CREG1: variants seen among roughly 807,000 people sequenced by gnomAD.
CREG1 encodes the protein protein CREG1.
In CREG1, 20 loss-of-function variants were observed where a neutral mutation model predicts 19.9. The ratio of observed to expected loss-of-function variants is 1.01; its 90% CI spans 0.71 to 1.46. The LOEUF is 1.46. Among genes scored for constraint, CREG1 ranks in the 40% most tolerant of loss-of-function variants. The pLI is 0.00. For synonymous variants in CREG1, 141 were observed against 143.3 expected, an observed-to-expected ratio of 0.98 and a Z score of 0.12; for missense variants, 290 against 314.9, an observed-to-expected ratio of 0.92 and a Z score of 0.60.
rs572242271 is a variant in CREG1, at chr1:167,553,302, C to G, written c.354+86G>C. 15 of 1,088,878 alleles carry G rather than the reference C, an allele frequency of 1.4e-5. No homozygotes were observed. The South Asian group carries it at 3.5e-4, about 25-fold the overall frequency. The allele number at this position is 1,088,878 out of a possible 1,614,324, so 67.5% of individuals were successfully genotyped here. A position where few individuals can be genotyped will look rare whatever the true frequency, so the allele number is the denominator to read the frequency against. ...GCCGTTCGAGCCACGCTCCACTTCC[C>G]GGGAAGAATTCTGGGGAGAGTGAAG... On this transcript the variant is annotated intron_variant, in intron 1 of 3. Transcript: ENST00000370509.
rs1244379570 is a variant in CREG1, at chr1:167,541,678, GT to G, written c.*619del. Reference sequence around the variant, plus strand: ...TGAGTATCACTTTAGAGTATAAAAAGTTTTTCAAAAGTTCTTTATCAGAAAT... The same window carrying G: ...TGAGTATCACTTTAGAGTATAAAAAGTTTTCAAAAGTTCTTTATCAGAAAT... On this transcript the variant is annotated 3_prime_UTR_variant, in exon 4 of 4. Transcript: ENST00000370509. 6.6e-6 allele frequency: 1 copy of G among 152,124 alleles called. No individual in the cohort carries two copies. Among genetic ancestry groups the G allele is most frequent in the Non-Finnish European group, 1.5e-5 (1 of 68,018 alleles). The allele number at this position is 152,124 out of a possible 1,614,324, so 9.4% of individuals were successfully genotyped here.
At position 167,547,537 on chromosome 1, in the gene CREG1, G is replaced by A. The variant is rs369383466; in HGVS notation, c.474+465C>T. Among the ~76,000 whole-genome samples the A allele has an allele frequency of 3.5e-4, 54 of 152,218 alleles. No homozygotes were observed. The South Asian group carries it at 4.6e-3, about 13-fold the overall frequency. ...CTATATGAAAGCAACTTATTAAAAC[G>A]TTTGGTTTTCATGGAATTACTTCAC... On this transcript the variant is annotated intron_variant, in intron 2 of 3. Coordinates refer to ENST00000370509, the MANE Select transcript of CREG1 (RefSeq NM_003851.3).
chr1:167,552,143 A>T (rs1656432379), intron 1 of CREG1, among the ~76,000 whole-genome samples: 2 of 152,226 alleles, frequency 1.3e-5, no homozygotes, highest in Admixed American at 1.3e-4. Context: ...TGAACCTGAG[A>T]TGAAACTAGG....
rs1451488330 is a variant in CREG1, at chr1:167,546,089, G to C, written c.659+12C>G. ...GGCGGCAATCTTAGGTGAAAGATGT[G>C]TAAGTACTTACTGAACTGTGACATT... On this transcript the variant is annotated intron_variant, in intron 3 of 3. Transcript: ENST00000370509. 6.3e-7 allele frequency: 1 copy of C among 1,582,372 alleles called. No homozygotes were observed. The highest frequency in any genetic ancestry group is 8.6e-7 in the Non-Finnish European group (1 of 1,164,386).
At chr1:167,548,609 T>C (rs1448923218) in intron 1 of CREG1, among the ~76,000 whole-genome samples, 2 of 152,222 alleles carry the variant, frequency 1.3e-5, no homozygotes, top group South Asian at 2.1e-4. Context: ...ATTTCAAAAC[T>C]GGAGAAGTTG....
At chr1:167,542,673 G>C (rs1240481486) in intron 3 of CREG1, among the ~76,000 whole-genome samples, 1 of 152,224 alleles carries the variant, frequency 6.6e-6, no homozygotes, top group African/African-American at 2.4e-5. Context: ...GTTGAGAACA[G>C]AAGGGGTCCT....
chr1:167,542,357 AAATT>A, intron 3 of CREG1, 56 bp from the exon 4 acceptor site: 3 of 1,525,864 alleles, frequency 2.0e-6, no homozygotes, highest in East Asian at 2.3e-5. Context: ...CAAATCTTAA[AAATT>A]AATTCATTCT....
chr1:167,548,735 T>C (rs902139692), intron 1 of CREG1, among the ~76,000 whole-genome samples: 2 of 152,260 alleles, frequency 1.3e-5, no homozygotes, highest in African/African-American at 4.8e-5. Flanking sequence ...TGTTGACAGA[T>C]TATAGCAAAA....
At chr1:167,545,855 T>A (rs76904380) in intron 3 of CREG1, among the ~76,000 whole-genome samples, 8 of 152,146 alleles carry the variant, frequency 5.3e-5, no homozygotes, top group Admixed American at 2.0e-4. Flanking sequence ...ATATTTAATA[T>A]ATTAATAAAA....
At chr1:167,545,469 T>G (rs1320105125) in intron 3 of CREG1, among the ~76,000 whole-genome samples, 3 of 152,188 alleles carry the variant, frequency 2.0e-5, no homozygotes, top group African/African-American at 7.2e-5. Context: ...CACAGATACG[T>G]TCATATCATG....
Position 167,544,051 on chromosome 1 carries a change from T to C in CREG1, c.660-1750A>G, listed in dbSNP as rs972187344. Among the ~76,000 whole-genome samples, 3 of 152,250 alleles carry C rather than the reference T, an allele frequency of 2.0e-5. No homozygotes were observed. The East Asian group carries it at 5.8e-4, about 29-fold the overall frequency. ...TTTAACTTCGAAGAGCAGGCCCTTC[T>C]TAACAGTCATCCTGATAATTTGTTG... is the stretch of plus-strand genomic sequence containing the variant. On this transcript the variant is annotated intron_variant, in intron 3 of 3. Coordinates refer to ENST00000370509, the MANE Select transcript of CREG1 (RefSeq NM_003851.3).
chr1:167,548,088 C>T lies in CREG1; in HGVS notation c.388G>A (p.Ala130Thr). ...TGTTTCTTGCAGAAGTTGGTCTGTG[C>T]CAAAGTCATGGTCAGTGTAGCATAT... ...NPYATLTMTL[A>T]QTNFCKKHGF... The change falls in exon 2 of 4, where the codon GCA (alanine) becomes ACA (threonine). Residue 130 changes from alanine (A) to threonine (T), a missense_variant. By Grantham distance (58) the Ala-to-Thr change is moderately conservative. Transcript: ENST00000370509. The T allele has an allele frequency of 1.2e-6, 2 of 1,613,066 alleles. No homozygotes were observed. The highest frequency in any genetic ancestry group is 1.7e-6 in the Non-Finnish European group (2 of 1,179,108).
intron 3 of CREG1, among the ~76,000 whole-genome samples, chr1:167,542,902 C>T (rs1485218703): frequency 1.3e-5 from 2 of 152,224 alleles, no homozygotes; most frequent in Admixed American, 6.5e-5. Flanking sequence ...TTAGCACAAA[C>T]ATGCTGCTGC....
At chr1:167,553,298 T>A (rs545204048) in intron 1 of CREG1, 90 bp downstream of exon 1, 19 of 1,066,854 alleles carry the variant, frequency 1.8e-5, no homozygotes, top group Middle Eastern at 3.3e-4. Flanking sequence ...CACGCTCCAC[T>A]TCCCGGGAAG....
intron 3 of CREG1, among the ~76,000 whole-genome samples, chr1:167,543,619 A>C (rs1656266898): frequency 6.6e-6 from 1 of 152,234 alleles, no homozygotes; most frequent in Non-Finnish European, 1.5e-5. Context: ...TCCCCGGACT[A>C]TTAAACAGCT....
rs1019538963 is a variant in CREG1 at position 167,542,001 on chromosome 1, C to G, written c.*297G>C. On this transcript the variant is annotated 3_prime_UTR_variant, in exon 4 of 4. Transcript: ENST00000370509. ...TACTCATTCCTCTTCAAGAGCACCACTGGAAACATCTTTGGAATTGATGGG... is the reference window on the plus strand; with the variant it reads ...TACTCATTCCTCTTCAAGAGCACCAGTGGAAACATCTTTGGAATTGATGGG... 7 of 288,398 alleles carry G rather than the reference C, an allele frequency of 2.4e-5. No homozygotes were observed. The highest frequency in any genetic ancestry group is 9.3e-4 in the Middle Eastern group (1 of 1,070). The allele number at this position is 288,398 out of a possible 1,614,324, so 17.9% of individuals were successfully genotyped here. A position where few individuals can be genotyped will look rare whatever the true frequency, so the allele number is the denominator to read the frequency against.
chr1:167,543,687 CA>C (rs1397926048), intron 3 of CREG1, among the ~76,000 whole-genome samples: 1 of 152,198 alleles, frequency 6.6e-6, no homozygotes, highest in Non-Finnish European at 1.5e-5. Context: ...CGGAGATGGA[CA>C]ATTCCTAGCC....
At chr1:167,549,417 C>T (rs1174874137) in intron 1 of CREG1, among the ~76,000 whole-genome samples, 1 of 149,948 alleles carries the variant, frequency 6.7e-6, no homozygotes, top group African/African-American at 2.5e-5. Flanking sequence ...CGGAGTCTTG[C>T]TCTGTCACCC....
chr1:167,548,388 T>C (rs898537767), intron 1 of CREG1, among the ~76,000 whole-genome samples: 3 of 152,238 alleles, frequency 2.0e-5, no homozygotes, highest in Non-Finnish European at 2.9e-5. Flanking sequence ...CCTGAATTTA[T>C]TCCATATTCA....
Sources: allele counts gnomAD v4.1 joint callset (sites outside exome capture counted in the v4.1 genomes callset), GRCh38; gene constraint gnomAD v4.1.1; transcripts MANE v1.5; gene names NCBI Gene and HGNC (gene_info 2026-07-23, HGNC 2026-07-21).